GABRB1: variants seen among roughly 807,000 people sequenced by gnomAD.
GABRB1 encodes the protein gamma-aminobutyric acid type A receptor subunit beta1.
Under a neutral mutation model 51.6 loss-of-function variants are expected in GABRB1, and 17 were observed. The observed-to-expected ratio is 0.33, with a 90% CI of 0.23 to 0.49. The LOEUF (loss-of-function observed/expected upper bound fraction) is 0.49. GABRB1 is among the 20% of genes least tolerant of loss of function. The pLI is 0.99. For missense variants in GABRB1, 410 were observed against 600.6 expected (o/e 0.68, Z 3.32); for synonymous variants, 247 against 218.9 (o/e 1.13, Z -1.14).
chr4:47,355,874 C>T (rs1399761483), intron 5 of GABRB1, among the ~76,000 whole-genome samples: 1 of 152,132 alleles, frequency 6.6e-6, no homozygotes, highest in East Asian at 1.9e-4. Context: ...CCCCACAGCT[C>T]TACAACTTTC....
intron 4 of GABRB1, among the ~76,000 whole-genome samples, chr4:47,302,841 T>A (rs545005534): frequency 1.3e-5 from 2 of 151,988 alleles, no homozygotes; most frequent in Non-Finnish European, 2.9e-5. Flanking sequence ...CAGGTTCCAA[T>A]TTCAGGTTAC....
intron 8 of GABRB1, among the ~76,000 whole-genome samples, chr4:47,425,352 A>G (rs1474091703): frequency 6.6e-6 from 1 of 150,690 alleles, no homozygotes; most frequent in Non-Finnish European, 1.5e-5. Flanking sequence ...GTTTCCATGT[A>G]CCACTTTTAT....
At chr4:47,168,600 A>G (rs1284239453) in intron 4 of GABRB1, among the ~76,000 whole-genome samples, 1 of 152,294 alleles carries the variant, frequency 6.6e-6, no homozygotes, top group East Asian at 1.9e-4. Flanking sequence ...GCAGTATAGT[A>G]TACTTCTATG....
At chr4:47,112,494 T>C (rs1436939998) in intron 3 of GABRB1, among the ~76,000 whole-genome samples, 1 of 152,238 alleles carries the variant, frequency 6.6e-6, no homozygotes, top group East Asian at 1.9e-4. Flanking sequence ...GATTGTCAGG[T>C]TCACCACTGA....
chr4:47,130,198 C>T (rs1282973795), intron 3 of GABRB1, among the ~76,000 whole-genome samples: 1 of 152,132 alleles, frequency 6.6e-6, no homozygotes, highest in Non-Finnish European at 1.5e-5. Flanking sequence ...TTAAATCTTT[C>T]ACTGTCTTCC....
intron 5 of GABRB1, among the ~76,000 whole-genome samples, chr4:47,336,234 G>A (rs1461120698): frequency 1.3e-5 from 2 of 152,174 alleles, no homozygotes; most frequent in Non-Finnish European, 2.9e-5. Flanking sequence ...TACAAGTCAT[G>A]ATCTTGTAGA....
chr4:47,415,451 A>G (rs1431330705), intron 8 of GABRB1, among the ~76,000 whole-genome samples: 6 of 152,072 alleles, frequency 3.9e-5, no homozygotes, highest in Non-Finnish European at 7.4e-5. Flanking sequence ...ATTATTTCTT[A>G]TACCCCATAG....
intron 3 of GABRB1, among the ~76,000 whole-genome samples, chr4:47,128,905 G>A (rs1185446040): frequency 3.3e-5 from 5 of 151,912 alleles, no homozygotes; most frequent in African/African-American, 1.2e-4. Context: ...AAATCCCTTA[G>A]GTACAAAACC....
At chr4:47,196,741 A>G (rs750519835) in intron 4 of GABRB1, among the ~76,000 whole-genome samples, 18 of 152,254 alleles carry the variant, frequency 1.2e-4, no homozygotes, top group Non-Finnish European at 2.2e-4. Context: ...TAAAACATTC[A>G]TCAGCACAAT....
chr4:47,307,837 A>G (rs1724525726), intron 4 of GABRB1, among the ~76,000 whole-genome samples: 1 of 152,000 alleles, frequency 6.6e-6, no homozygotes, highest in Admixed American at 6.6e-5. Context: ...TTACATGAGA[A>G]ACACTTCATT....
At chr4:47,027,496 A>G (rs892320262), upstream of GABRB1, among the ~76,000 whole-genome samples, 3 of 151,706 alleles carry the variant, frequency 2.0e-5, no homozygotes, top group African/African-American at 4.8e-5. Context: ...GCATTTTCAT[A>G]TAGCTAAAGT....
At chr4:47,062,760 T>A (rs1055934282) in intron 3 of GABRB1, among the ~76,000 whole-genome samples, 1 of 152,162 alleles carries the variant, frequency 6.6e-6, no homozygotes, top group Admixed American at 6.5e-5. Flanking sequence ...ACTCTCTGTT[T>A]TGATTCTTTT....
intron 4 of GABRB1, among the ~76,000 whole-genome samples, chr4:47,262,629 AG>A (rs1722485424): frequency 6.6e-6 from 1 of 152,202 alleles, no homozygotes; most frequent in South Asian, 2.1e-4. Flanking sequence ...TGTGGAAGTC[AG>A]TGTGGCGATT....
chr4:47,108,178 GAC>G (rs1715050717), intron 3 of GABRB1, among the ~76,000 whole-genome samples: 4 of 151,998 alleles, frequency 2.6e-5, no homozygotes, highest in Non-Finnish European at 1.5e-5. Context: ...GAAATTTATA[GAC>G]ACTTGAAAAT....
chr4:47,139,927 A>C (rs1716849993), intron 3 of GABRB1, among the ~76,000 whole-genome samples: 1 of 152,046 alleles, frequency 6.6e-6, no homozygotes, highest in Admixed American at 6.6e-5. Context: ...AGTAGCAACA[A>C]AAGTACATAT....
intron 5 of GABRB1, among the ~76,000 whole-genome samples, chr4:47,367,537 A>G (rs1181426728): frequency 6.6e-6 from 1 of 152,170 alleles, no homozygotes; most frequent in Non-Finnish European, 1.5e-5. Context: ...CTGGTAATTG[A>G]TCTTCTACCC....
At chr4:47,127,665 C>T (rs1045769933) in intron 3 of GABRB1, among the ~76,000 whole-genome samples, 17 of 151,796 alleles carry the variant, frequency 1.1e-4, no homozygotes, top group African/African-American at 3.6e-4. Context: ...AACTACCTTA[C>T]CTAGACTAAA....
intron 3 of GABRB1, among the ~76,000 whole-genome samples, chr4:47,141,814 T>C (rs1577946107): frequency 6.6e-6 from 1 of 151,954 alleles, no homozygotes; most frequent in East Asian, 1.9e-4. Flanking sequence ...CAAAAAATCA[T>C]TTCAAGAATT....
chr4:47,032,605 G>T (rs1560503590), intron 3 of GABRB1, 121 bp downstream of exon 3: 1 of 930,384 alleles, frequency 1.1e-6, no homozygotes, highest in Non-Finnish European at 1.8e-6. Context: ...GTCCCACTCC[G>T]CACCCGCTCC....
Sources: allele counts gnomAD v4.1 joint callset (sites outside exome capture counted in the v4.1 genomes callset), GRCh38; gene constraint gnomAD v4.1.1; transcripts MANE v1.5; gene names NCBI Gene and HGNC (gene_info 2026-07-23, HGNC 2026-07-21).